PCYT1B: variants seen among roughly 807,000 people sequenced by gnomAD.
The protein encoded by PCYT1B is choline-phosphate cytidylyltransferase B.
A neutral mutation model predicts 26.4 loss-of-function variants in PCYT1B; 10 were observed. The ratio of observed to expected loss-of-function variants is 0.38; its 90% confidence interval spans 0.23 to 0.64. PCYT1B has a LOEUF of 0.64. PCYT1B is among the 30% of genes least tolerant of loss of function. PCYT1B has a pLI of 0.56. For synonymous variants in PCYT1B, 131 were observed against 108.4 expected, an observed-to-expected ratio of 1.21 and a Z score of -1.29; for missense variants, 161 against 292.7, an observed-to-expected ratio of 0.55 and a Z score of 3.28.
intron 6 of PCYT1B, 42 bp downstream of exon 6, chrX:24,579,274 G>A (rs1319738852): frequency 1.7e-6 from 2 of 1,181,527 alleles, no homozygotes; most frequent in East Asian, 3.0e-5. Flanking sequence ...TGGTGGTGGT[G>A]TGGCATGGTG....
intron 7 of PCYT1B, among the ~76,000 whole-genome samples, chrX:24,567,110 T>C (rs1383324663): frequency 8.9e-6 from 1 of 112,342 alleles, no homozygotes; most frequent in Admixed American, 9.5e-5. Flanking sequence ...ATTACTGTAA[T>C]CTTTAAGTAT....
chrX:24,599,031 C>T lies in PCYT1B; in HGVS notation c.334+8714G>A, dbSNP rs749686989. Among the ~76,000 whole-genome samples, 3 of 111,722 alleles carry T rather than the reference C, an allele frequency of 2.7e-5. No homozygotes were observed. In the South Asian group the frequency reaches 1.1e-3, roughly 42 times the overall value. ...AATTAAATTACTAATATTTCCATTT[C>T]CCAAATCCTTTCTGGCTATATCTAG... On this transcript the variant is annotated intron_variant, in intron 3 of 7. Coordinates refer to ENST00000379144, the MANE Select transcript of PCYT1B (RefSeq NM_004845.5).
intron 2 of PCYT1B, among the ~76,000 whole-genome samples, chrX:24,613,950 CAAAAAAAAAA>C (rs200062439): frequency 2.6e-5 from 2 of 77,213 alleles, no homozygotes; most frequent in Admixed American, 1.5e-4. Flanking sequence ...AACAACCTGT[CAAAAAAAAAA>C]AAAAAAAAAA....
chrX:24,660,755 C>G (rs1927013786), intron 1 of PCYT1B, among the ~76,000 whole-genome samples: 1 of 109,464 alleles, frequency 9.1e-6, no homozygotes, highest in Non-Finnish European at 1.9e-5. Flanking sequence ...AATGATCTTT[C>G]ACAGAAGCCC....
intron 2 of PCYT1B, among the ~76,000 whole-genome samples, chrX:24,609,608 A>C (rs1172977222): frequency 2.7e-5 from 3 of 112,385 alleles, no homozygotes; most frequent in Non-Finnish European, 1.9e-5. Context: ...GTTAAAAGTT[A>C]AGTTAAAAAG....
chrX:24,595,897 A>T (rs1410782861), intron 3 of PCYT1B, among the ~76,000 whole-genome samples: 1 of 110,440 alleles, frequency 9.1e-6, no homozygotes, highest in Non-Finnish European at 1.9e-5. Context: ...AAAAAAAAAA[A>T]AAAGACTGAG....
chrX:24,582,129 C>T (rs774698282), intron 5 of PCYT1B, among the ~76,000 whole-genome samples: 12 of 112,812 alleles, frequency 1.1e-4, no homozygotes, highest in South Asian at 3.7e-4. Context: ...AACCCTCAGA[C>T]GACATCCCCA....
intron 1 of PCYT1B, among the ~76,000 whole-genome samples, chrX:24,661,726 TATCA>T (rs1927033577): frequency 8.9e-6 from 1 of 112,370 alleles, no homozygotes; most frequent in East Asian, 2.8e-4. Flanking sequence ...CTAAAAGACA[TATCA>T]ATCAATTGCA....
At chrX:24,647,491 T>C (rs976316188), upstream of PCYT1B, among the ~76,000 whole-genome samples, 2 of 111,459 alleles carry the variant, frequency 1.8e-5, no homozygotes, top group African/African-American at 6.5e-5. Context: ...GCTGCTTTTG[T>C]TTCTTCTGTT....
chrX:24,640,121 G>A (rs1011192951), intron 1 of PCYT1B, among the ~76,000 whole-genome samples: 1 of 111,588 alleles, frequency 9.0e-6, no homozygotes, highest in Non-Finnish European at 1.9e-5. Flanking sequence ...CCACCTCTGG[G>A]TACTGTACAT....
At chrX:24,580,764 C>T (rs772290093) in intron 5 of PCYT1B, among the ~76,000 whole-genome samples, 2 of 111,646 alleles carry the variant, frequency 1.8e-5, no homozygotes, top group East Asian at 2.8e-4. Context: ...CATATCATTA[C>T]GGCAACTCAG....
At chrX:24,613,037 T>C (rs1186701864) in intron 2 of PCYT1B, among the ~76,000 whole-genome samples, 1 of 112,041 alleles carries the variant, frequency 8.9e-6, no homozygotes, top group Non-Finnish European at 1.9e-5. Flanking sequence ...AGTAGACTTA[T>C]CATTTCATGG....
intron 1 of PCYT1B, chrX:24,621,766 C>T (rs1157598430): frequency 1.3e-5 from 5 of 387,198 alleles, no homozygotes; most frequent in Non-Finnish European, 1.6e-5. Context: ...ACCTTTTTCA[C>T]ATGACCTAAA....
chrX:24,601,448 G>A (rs1274704495), intron 3 of PCYT1B, among the ~76,000 whole-genome samples: 1 of 107,248 alleles, frequency 9.3e-6, no homozygotes, highest in Admixed American at 1.0e-4. Flanking sequence ...AGCCAAGATC[G>A]TGCCACTGCA....
At chrX:24,641,503 G>A (rs888260762) in intron 1 of PCYT1B, among the ~76,000 whole-genome samples, 1 of 112,080 alleles carries the variant, frequency 8.9e-6, no homozygotes, top group Non-Finnish European at 1.9e-5. Context: ...ATATGTATAC[G>A]TGAACTGTGC....
In PCYT1B at chrX:24,585,176, G is replaced by C. The variant is rs368053215; in HGVS notation, c.565+2065C>G. On this transcript the variant is annotated intron_variant, in intron 5 of 7. Transcript: ENST00000379144. ...AAATGAGAGAACAGGAGTGCGGTCT[G>C]TCCCTTGCTCTGACTCAGGTTCAAA... 1.3e-4 allele frequency among the ~76,000 whole-genome samples: 15 copies of C among 111,419 alleles called. No homozygotes were observed. In the East Asian group the frequency reaches 3.4e-3, roughly 25 times the overall value.
chrX:24,647,803 GAC>G (rs1314424499), upstream of PCYT1B, among the ~76,000 whole-genome samples: 2 of 112,717 alleles, frequency 1.8e-5, no homozygotes, highest in Non-Finnish European at 3.8e-5. Context: ...TCGACCCCTG[GAC>G]TTCATGCAAC....
upstream of PCYT1B, among the ~76,000 whole-genome samples, chrX:24,650,395 C>T (rs1926739903): frequency 9.6e-6 from 1 of 103,999 alleles, no homozygotes; most frequent in South Asian, 4.7e-4. Context: ...TCTCAGCTCA[C>T]TGCAACCTCT....
chrX:24,593,919 A>G (rs966373927), intron 3 of PCYT1B, among the ~76,000 whole-genome samples: 23 of 111,615 alleles, frequency 2.1e-4, no homozygotes, highest in Non-Finnish European at 1.3e-4. Context: ...TATATCTCCT[A>G]TACATACTTC....
Sources: allele counts gnomAD v4.1 joint callset (sites outside exome capture counted in the v4.1 genomes callset), GRCh38; gene constraint gnomAD v4.1.1; transcripts MANE v1.5; gene names NCBI Gene and HGNC (gene_info 2026-07-23, HGNC 2026-07-21).